The following VPS13B variants were observed in gnomAD, a reference collection of about 807,000 sequenced individuals.
The protein encoded by VPS13B is intermembrane lipid transfer protein VPS13B.
VPS13B carries 285 observed loss-of-function variants against 426.4 expected under a neutral mutation model. The ratio of observed to expected loss-of-function variants is 0.67; its 90% confidence interval spans 0.61 to 0.74. The LOEUF is 0.74. VPS13B is among the 30% of genes least tolerant of loss of function. VPS13B has a pLI of 0.00. For missense variants in VPS13B, 4,537 were observed against 4,782.6 expected, an observed-to-expected ratio of 0.95 and a Z score of 1.51; for synonymous variants, 1,676 against 1,676.4, an observed-to-expected ratio of 1.00 and a Z score of 0.01.
At chr8:99,313,480 G>C (rs1821128958) in intron 19 of VPS13B, among the ~76,000 whole-genome samples, 1 of 152,180 alleles carries the variant, frequency 6.6e-6, no homozygotes, top group African/African-American at 2.4e-5. Context: ...CTGCAGAACA[G>C]CAAATGTTGC....
intron 30 of VPS13B, among the ~76,000 whole-genome samples, chr8:99,551,262 A>G (rs1824267220): frequency 6.6e-6 from 1 of 151,968 alleles, no homozygotes; most frequent in Admixed American, 6.6e-5. Context: ...AACTATTTTT[A>G]AATAGAGTTA....
intron 54 of VPS13B, among the ~76,000 whole-genome samples, chr8:99,840,174 C>T (rs981070260): frequency 3.9e-5 from 6 of 152,326 alleles, no homozygotes; most frequent in Admixed American, 2.0e-4. Flanking sequence ...GCTATTAACT[C>T]CCTATGCTTC....
At chr8:99,614,478 T>C (rs1827993325) in intron 33 of VPS13B, among the ~76,000 whole-genome samples, 1 of 152,060 alleles carries the variant, frequency 6.6e-6, no homozygotes, top group Admixed American at 6.5e-5. Flanking sequence ...GGTTTCTGCA[T>C]GTTTGGTCAG....
At chr8:99,564,839 C>T (rs1415222221) in intron 31 of VPS13B, among the ~76,000 whole-genome samples, 1 of 152,178 alleles carries the variant, frequency 6.6e-6, no homozygotes, top group Non-Finnish European at 1.5e-5. Context: ...TTTCCTTCCT[C>T]TTACTAGTCA....
chr8:99,713,981 A>C (rs1832807841), intron 36 of VPS13B, among the ~76,000 whole-genome samples: 1 of 152,058 alleles, frequency 6.6e-6, no homozygotes, highest in Non-Finnish European at 1.5e-5. Flanking sequence ...CTCTACTAAA[A>C]AGACAAAAAT....
At chr8:99,120,654 T>C (rs1016232471) in intron 7 of VPS13B, 1 of 152,492 alleles carries the variant, frequency 6.6e-6, no homozygotes, top group Non-Finnish European at 1.5e-5. Flanking sequence ...ATTCTAATAT[T>C]TGCTTTCATT....
chr8:99,542,838 G>A (rs954435110), intron 30 of VPS13B, among the ~76,000 whole-genome samples: 2 of 152,118 alleles, frequency 1.3e-5, no homozygotes, highest in African/African-American at 4.8e-5. Flanking sequence ...TCATAGGGTT[G>A]TTATGAGGAT....
At chr8:99,675,450 T>G (rs1248698671) in intron 35 of VPS13B, among the ~76,000 whole-genome samples, 1 of 152,184 alleles carries the variant, frequency 6.6e-6, no homozygotes, top group Admixed American at 6.5e-5. Context: ...TGAATCTGAT[T>G]GAAGACCTTT....
chr8:99,809,302 T>G, intron 43 of VPS13B, 73 bp from the exon 44 acceptor site: 9 of 1,592,004 alleles, frequency 5.7e-6, no homozygotes, highest in Non-Finnish European at 6.9e-6. Flanking sequence ...TTTCCAGCAA[T>G]GAGACTTTCA....
chr8:99,179,438 C>T (rs868380300), intron 16 of VPS13B, among the ~76,000 whole-genome samples: 1 of 152,058 alleles, frequency 6.6e-6, no homozygotes, highest in Non-Finnish European at 1.5e-5. Flanking sequence ...CTGAAACGTC[C>T]TCCTCTCTGT....
At chr8:99,461,692 G>A (rs1376101031) in intron 23 of VPS13B, among the ~76,000 whole-genome samples, 1 of 152,050 alleles carries the variant, frequency 6.6e-6, no homozygotes, top group African/African-American at 2.4e-5. Context: ...AATTCTCCTA[G>A]AATGTTTCTC....
At chr8:99,870,400 A>G (rs1817336602) in intron 59 of VPS13B, among the ~76,000 whole-genome samples, 1 of 152,078 alleles carries the variant, frequency 6.6e-6, no homozygotes, top group Admixed American at 6.6e-5. Flanking sequence ...CAATCCTCCC[A>G]CCTTGATTTG....
At chr8:99,824,291 C>T (rs552834557) in intron 51 of VPS13B, among the ~76,000 whole-genome samples, 3 of 152,240 alleles carry the variant, frequency 2.0e-5, no homozygotes, top group Admixed American at 6.5e-5. Context: ...GAGACATAGT[C>T]ATGAGGACTG....
At chr8:99,802,920 A>G (rs1813200398) in intron 43 of VPS13B, among the ~76,000 whole-genome samples, 1 of 152,152 alleles carries the variant, frequency 6.6e-6, no homozygotes, top group Non-Finnish European at 1.5e-5. Flanking sequence ...TTGTTTTTTC[A>G]TCTGTCTACC....
At chr8:99,349,064 T>TG (rs1811710190) in intron 19 of VPS13B, among the ~76,000 whole-genome samples, 1 of 151,646 alleles carries the variant, frequency 6.6e-6, no homozygotes, top group Admixed American at 6.6e-5. Context: ...CCGGGCGCGG[T>TG]GGCTCACGCC....
intron 40 of VPS13B, among the ~76,000 whole-genome samples, chr8:99,769,091 A>G (rs1036637139): frequency 6.6e-6 from 1 of 152,204 alleles, no homozygotes; most frequent in Admixed American, 6.5e-5. Context: ...TTTAGGAAAC[A>G]GAAATTTAAG....
intron 3 of VPS13B, among the ~76,000 whole-genome samples, chr8:99,068,393 A>G (rs1410017048): frequency 6.6e-6 from 1 of 152,236 alleles, no homozygotes; most frequent in Non-Finnish European, 1.5e-5. Flanking sequence ...TAATAAAGAC[A>G]GATGATTTAG....
chr8:99,322,288 A>G (rs542551650), intron 19 of VPS13B, among the ~76,000 whole-genome samples: 1 of 152,316 alleles, frequency 6.6e-6, no homozygotes, highest in South Asian at 2.1e-4. Flanking sequence ...ATGAAAATGT[A>G]TTCAGTTAGT....
chr8:99,367,530 A>G (rs1475226923), intron 19 of VPS13B, among the ~76,000 whole-genome samples: 2 of 152,160 alleles, frequency 1.3e-5, no homozygotes, highest in African/African-American at 4.8e-5. Context: ...GAATATTGAT[A>G]TCTTACTCCT....
Sources: allele counts gnomAD v4.1 joint callset (sites outside exome capture counted in the v4.1 genomes callset), GRCh38; gene constraint gnomAD v4.1.1; transcripts MANE v1.5; gene names NCBI Gene and HGNC (gene_info 2026-07-23, HGNC 2026-07-21).